Variants in MAGEB3 observed in about 807,000 individuals in gnomAD.
The protein encoded by MAGEB3 is MAGE family member B3, also known as melanoma-associated antigen B3.
For synonymous variants in MAGEB3, 91 were observed against 93.0 expected (o/e 0.98, Z 0.12); for missense variants, 191 against 262.4 (o/e 0.73, Z 1.88).
intron 1 of MAGEB3, among the ~76,000 whole-genome samples, chrX:30,231,129 A>G (rs5973798): frequency 0.4 from 40,910 of 102,078 alleles, 7,226 homozygotes; most frequent in African/African-American, 0.47. Context: ...ACCAGCCGGG[A>G]CAACATGGCG....
At chrX:30,235,596 C>G (rs897769341) in intron 4 of MAGEB3, among the ~76,000 whole-genome samples, 1 of 111,321 alleles carries the variant, frequency 9.0e-6, no homozygotes, top group African/African-American at 3.3e-5. Flanking sequence ...CCTCCTACCC[C>G]AGAGTAAAAG....
In MAGEB3 at chrX:30,236,050, C is replaced by G. The variant is rs372226669; in HGVS notation, c.126C>G (p.Ser42=). ...ATNKKKVSFS[S]PLILGATIQK... is the part of the protein sequence containing the mutation. ...ACAAGAAAAAAGTATCCTTTTCATC[C>G]CCTCTTATTTTGGGGGCTACTATCC... Residue 42 remains serine (S), a synonymous_variant, in exon 5 of 5, where the codon TCC becomes TCG. Transcript: ENST00000361644. 1.7e-6 allele frequency: 2 copies of G among 1,209,066 alleles called. No homozygotes were observed. The highest frequency in any genetic ancestry group is 3.5e-5 in the African/African-American group (2 of 57,012).
chrX:30,232,484 A>C (rs1181798061), intron 2 of MAGEB3, among the ~76,000 whole-genome samples: 1 of 105,136 alleles, frequency 9.5e-6, no homozygotes, highest in African/African-American at 3.5e-5. Flanking sequence ...GCGGGGCAGC[A>C]GTGGAGCACC....
At chrX:30,233,706 C>T (rs1398301005) in intron 4 of MAGEB3, among the ~76,000 whole-genome samples, 1 of 111,564 alleles carries the variant, frequency 9.0e-6, no homozygotes, top group East Asian at 2.8e-4. Flanking sequence ...CCACTGACTC[C>T]AGAACAGTGG....
intron 1 of MAGEB3, 147 bp from the exon 2 acceptor site, chrX:30,231,370 G>A: frequency 9.3e-6 from 1 of 107,469 alleles, no homozygotes; most frequent in Non-Finnish European, 1.9e-5. Flanking sequence ...TTCGGGAGGC[G>A]GAGGCAGGAG....
intron 4 of MAGEB3, among the ~76,000 whole-genome samples, chrX:30,234,856 C>G (rs1050027317): frequency 2.7e-5 from 3 of 111,613 alleles, no homozygotes; most frequent in African/African-American, 9.8e-5. Context: ...TGTTCTGAGG[C>G]TGGAGGACTT....
At position 30,236,373 on chromosome X, in the gene MAGEB3, C is replaced by T. The variant is rs761710997; in HGVS notation, c.449C>T (p.Pro150Leu). The stretch of plus-strand genomic sequence containing the variant: ...CAAAAAAGCCATAAGAATTGCTTCC[C>T]TGAGATCCTTAAAAAAGCTTCTTTC... ...IVQKSHKNCF[P>L]EILKKASFNM... Residue 150 changes from proline (P) to leucine (L), a missense_variant, in exon 5 of 5, where the codon CCT becomes CTT. Transcript: ENST00000361644. 1.7e-6 allele frequency: 2 copies of T among 1,210,773 alleles called. No homozygotes were observed. The highest frequency in any genetic ancestry group is 2.2e-5 in the Admixed American group (1 of 46,049).
chrX:30,237,253 G>C lies in MAGEB3; in HGVS notation c.*288G>C, dbSNP rs762978435. On this transcript the variant is annotated 3_prime_UTR_variant, in exon 5 of 5. Transcript: ENST00000361644. The stretch of plus-strand genomic sequence containing the variant: ...TGAGAAAAATTCGATCTTATTTAGT[G>C]ATCTGTTGCAAGATAACTTGGAATT... 4.3e-5 allele frequency: 11 copies of C among 254,440 alleles called. No individual in the cohort carries two copies. Among genetic ancestry groups the C allele is most frequent in the Non-Finnish European group, 6.5e-5 (9 of 137,913 alleles). The allele number at this position is 254,440 out of a possible 1,213,427, so 21.0% of individuals were successfully genotyped here.
In MAGEB3 at chrX:30,232,727, T is replaced by C. The variant is rs1406066100; in HGVS notation, c.-253-100T>C. The C allele has an allele frequency of 1.7e-4, 18 of 104,680 alleles. No homozygotes were observed. The East Asian group carries it at 3.7e-3, about 22-fold the overall frequency. The allele number at this position is 104,680 out of a possible 1,213,427, so 8.6% of individuals were successfully genotyped here. A position where few individuals can be genotyped will look rare whatever the true frequency, so the allele number is the denominator to read the frequency against. On this transcript the variant is annotated intron_variant, in intron 2 of 4. Transcript: ENST00000361644. ...GGCAGAGGTTGCAGTGAGCCAAGATTGCGCCACTGCACTCCCGCCTGGGTG... is the reference window on the plus strand; with the variant it reads ...GGCAGAGGTTGCAGTGAGCCAAGATCGCGCCACTGCACTCCCGCCTGGGTG...
rs6631061 is a variant in MAGEB3, at chrX:30,234,772, C to A, written c.-61-1092C>A. 2.0e-4 allele frequency among the ~76,000 whole-genome samples: 22 copies of A among 111,241 alleles called. No homozygotes were observed. The East Asian group carries it at 5.1e-3, about 26-fold the overall frequency. ...TAGAGGTGTCAACACAAACAATGTC[C>A]TTGCACTCATTTTGCAACCTCCAGG... On this transcript the variant is annotated intron_variant, in intron 4 of 4. Coordinates refer to ENST00000361644, the MANE Select transcript of MAGEB3 (RefSeq NM_002365.5).
At chrX:30,231,988 C>A (rs1438451612) in intron 2 of MAGEB3, among the ~76,000 whole-genome samples, 1 of 112,082 alleles carries the variant, frequency 8.9e-6, no homozygotes, top group Non-Finnish European at 1.9e-5. Context: ...GGGGTCCCAG[C>A]GTGTCACCCG....
rs1925002088 is a variant in MAGEB3 at position 30,237,003 on chromosome X, G to C, written c.*38G>C. 1 of 1,052,792 alleles carries C rather than the reference G, an allele frequency of 9.5e-7. No individual in the cohort carries two copies. Among genetic ancestry groups the C allele is most frequent in the Admixed American group, 2.6e-5 (1 of 38,412 alleles). The allele number at this position is 1,052,792 out of a possible 1,213,427, so 86.8% of individuals were successfully genotyped here. On this transcript the variant is annotated 3_prime_UTR_variant, in exon 5 of 5. Coordinates refer to ENST00000361644, the MANE Select transcript of MAGEB3 (RefSeq NM_002365.5). The stretch of plus-strand genomic sequence containing the variant: ...AAATTTTGCATTTTGTGGTTAAAGA[G>C]GGCAGTCACTGTTCCAAGGAGTGAA...
chrX:30,231,456 C>A (rs1179586013), intron 1 of MAGEB3, 61 bp from the exon 2 acceptor site: 4 of 108,261 alleles, frequency 3.7e-5, no homozygotes, highest in East Asian at 2.8e-4. Flanking sequence ...GGTGACAGAG[C>A]GAGACTCCAT....
At chrX:30,231,295 G>C (rs747983504) in intron 1 of MAGEB3, among the ~76,000 whole-genome samples, 1 of 105,407 alleles carries the variant, frequency 9.5e-6, no homozygotes, top group Admixed American at 1.0e-4. Flanking sequence ...TCCAGCCTGG[G>C]TGACAGAGAG....
In MAGEB3 at chrX:30,232,525, G is replaced by GT. The variant is rs779034640; in HGVS notation, c.-253-301dup. ...AGTCCCAGCTACCCAGGAGGCTGAG[G>GT]TGGGAGGATCGCTTAAGCCCTAGGG... On this transcript the variant is annotated intron_variant, in intron 2 of 4. Coordinates refer to ENST00000361644, the MANE Select transcript of MAGEB3 (RefSeq NM_002365.5). Among the ~76,000 whole-genome samples, 203 of 107,077 alleles carry GT rather than the reference G, an allele frequency of 1.9e-3. 1 individual carries two copies. Among genetic ancestry groups the GT allele is most frequent in the African/African-American group, 6.4e-3 (190 of 29,493 alleles). The allele number at this position is 107,077 out of a possible 115,157, so 93.0% of individuals were successfully genotyped here.
chrX:30,236,104 T>C lies in MAGEB3; in HGVS notation c.180T>C (p.Ser60=). The change falls in exon 5 of 5, where the codon AGT becomes AGC. Residue 60 remains serine (S), a synonymous_variant. Transcript: ENST00000361644. ...IQKKSAGRSR[S]ALKKPQRALS... Reference sequence around the variant, plus strand: ...AAAAGTCTGCTGGTAGGTCACGTAGTGCTCTCAAGAAGCCTCAGAGAGCAC... The same window carrying C: ...AAAAGTCTGCTGGTAGGTCACGTAGCGCTCTCAAGAAGCCTCAGAGAGCAC... The C allele has an allele frequency of 1.7e-6, 2 of 1,210,231 alleles. No individual in the cohort carries two copies.
intron 4 of MAGEB3, among the ~76,000 whole-genome samples, chrX:30,234,948 C>G (rs1006063419): frequency 6.3e-5 from 7 of 111,597 alleles, no homozygotes; most frequent in Non-Finnish European, 1.3e-4. Context: ...AACACTCTCT[C>G]TAAAAAGTAG....
intron 2 of MAGEB3, among the ~76,000 whole-genome samples, chrX:30,232,539 T>C (rs1364278742): frequency 3.7e-4 from 37 of 99,843 alleles, no homozygotes; most frequent in Non-Finnish European, 4.2e-4. Context: ...GAGGATCGCT[T>C]AAGCCCTAGG....
intron 4 of MAGEB3, among the ~76,000 whole-genome samples, chrX:30,234,811 A>C (rs1924930553): frequency 9.0e-6 from 1 of 111,633 alleles, no homozygotes; most frequent in Non-Finnish European, 1.9e-5. Context: ...AGGTATTCAT[A>C]GGTGAGGGGT....
Sources: gnomAD v4.1 joint callset for allele counts (sites outside exome capture counted in the v4.1 genomes callset) on GRCh38, gnomAD v4.1.1 for gene constraint, MANE v1.5 for transcripts, NCBI Gene and HGNC (gene_info 2026-07-23, HGNC 2026-07-21) for gene names.